The following ZNF646 variants were observed in gnomAD, a reference collection of about 807,000 sequenced individuals.
ZNF646 encodes zinc finger protein 646.
In ZNF646, 49 loss-of-function variants were observed where a neutral mutation model predicts 115.4. The observed-to-expected ratio is 0.42, with a 90% CI of 0.34 to 0.54. ZNF646 has a LOEUF of 0.54. ZNF646 is among the 20% of genes least tolerant of loss of function. The probability of loss-of-function intolerance (pLI) is 0.04; values close to 1 mark genes in which losing one functional copy is unlikely to be tolerated. For missense variants in ZNF646, 2,269 were observed against 2,457.9 expected, an observed-to-expected ratio of 0.92 and a Z score of 1.62; for synonymous variants, 933 against 939.0, an observed-to-expected ratio of 0.99 and a Z score of 0.12.
Position 31,083,722 on chromosome 16 carries a change from G to T in ZNF646, c.*630G>T. 6.2e-7 allele frequency: 1 copy of T among 1,612,992 alleles called. No homozygotes were observed. The highest frequency in any genetic ancestry group is 8.5e-7 in the Non-Finnish European group (1 of 1,179,688). Reference sequence around the variant, plus strand: ...CTGGAATCACACATGACAGGGTGGGGAGGACAGGGGCAGTAATGCCATTTG... The same window carrying T: ...CTGGAATCACACATGACAGGGTGGGTAGGACAGGGGCAGTAATGCCATTTG... On this transcript the variant is annotated 3_prime_UTR_variant, in exon 3 of 3. Transcript: ENST00000300850.
chr16:31,077,640 C>CA lies in ZNF646; in HGVS notation c.1317dup (p.Pro440ThrfsTer8). The CA allele has an allele frequency of 6.2e-7, 1 of 1,613,904 alleles. No individual in the cohort carries two copies. Among genetic ancestry groups the CA allele is most frequent in the Non-Finnish European group, 8.5e-7 (1 of 1,179,950 alleles). ...GGGGAAAATGGGCAGCCATCAGTCCCACCAGCTCCCCTGCTGCTGGCTGAG... is the reference window on the plus strand; with the variant it reads ...GGGGAAAATGGGCAGCCATCAGTCCCAACCAGCTCCCCTGCTGCTGGCTGAG... On this transcript the variant is annotated frameshift_variant, in exon 2 of 3. Coordinates refer to ENST00000300850, the MANE Select transcript of ZNF646 (RefSeq NM_014699.4). LOFTEE classifies it high-confidence loss of function.
chr16:31,074,755 G>A (rs534753330), intron 1 of ZNF646, 124 bp downstream of exon 1: 1 of 152,350 alleles, frequency 6.6e-6, no homozygotes, highest in Admixed American at 6.5e-5. Context: ...CAGACGAGAT[G>A]AGTGAGGTCA....
Position 31,078,938 on chromosome 16 carries a change from C to A in ZNF646, c.2614C>A (p.Pro872Thr), listed in dbSNP as rs1263362034. ...ALRSHFQNHRPGEATSAQPFL... is the reference protein window; with the variant it reads ...ALRSHFQNHRTGEATSAQPFL... Reference sequence around the variant, plus strand: ...CCGCAGCCACTTCCAGAACCATAGGCCTGGGGAGGCGACCTCAGCACAGCC... The same window carrying A: ...CCGCAGCCACTTCCAGAACCATAGGACTGGGGAGGCGACCTCAGCACAGCC... The change falls in exon 2 of 3, where the codon CCT (proline) becomes ACT (threonine). Residue 872 changes from proline to threonine, a missense_variant. Coordinates refer to ENST00000300850, the MANE Select transcript of ZNF646 (RefSeq NM_014699.4). 2.5e-6 allele frequency: 4 copies of A among 1,613,054 alleles called. No individual in the cohort carries two copies. Among genetic ancestry groups the A allele is most frequent in the Non-Finnish European group, 3.4e-6 (4 of 1,179,912 alleles).
At position 31,078,499 on chromosome 16, in the gene ZNF646, T is replaced by C. The variant is rs2057108368; in HGVS notation, c.2175T>C (p.Ser725=). The change falls in exon 2 of 3, where the codon AGT becomes AGC. Residue 725 remains serine, a synonymous_variant. Transcript: ENST00000300850. Reference sequence around the variant, plus strand: ...ATGGGGCTGAAGGCAACCTGGAAAGTGATGGGGACTGTTTGCAGGCTGAAT... The same window carrying C: ...ATGGGGCTGAAGGCAACCTGGAAAGCGATGGGGACTGTTTGCAGGCTGAAT... The part of the protein sequence containing the change: ...SPHGAEGNLE[S]DGDCLQAESE... The C allele has an allele frequency of 6.3e-7, 1 of 1,590,166 alleles. No individual in the cohort carries two copies. The highest frequency in any genetic ancestry group is 8.6e-7 in the Non-Finnish European group (1 of 1,165,590).
chr16:31,081,379 C>T lies in ZNF646; in HGVS notation c.5055C>T (p.Ser1685=). The stretch of plus-strand genomic sequence containing the variant: ...TCCGCTGCACCCAGTGCGGGCGCTC[C>T]TACCGCCATGCTGGCAGCCTGCTGA... ...RPFRCTQCGR[S]YRHAGSLLNH... is the part of the protein sequence containing the mutation. Residue 1685 remains serine (S), a synonymous_variant, in exon 2 of 3, where the codon TCC becomes TCT. Transcript: ENST00000300850. 2.5e-6 allele frequency: 4 copies of T among 1,612,270 alleles called. No homozygotes were observed. The highest frequency in any genetic ancestry group is 3.4e-6 in the Non-Finnish European group (4 of 1,178,540).
chr16:31,076,798 A>G lies in ZNF646; in HGVS notation c.474A>G (p.Ala158=). Residue 158 remains alanine, a synonymous_variant, in exon 2 of 3, where the codon GCA becomes GCG. Coordinates refer to ENST00000300850, the MANE Select transcript of ZNF646 (RefSeq NM_014699.4). ...GTGAATCTGTACCTGACCCCAGGGC[A>G]GCTTCGGGTACGTGGGAAGATCTGC... ...PDCESVPDPR[A]ASGTWEDLPT... is the part of the protein sequence containing the mutation. 1.2e-6 allele frequency: 2 copies of G among 1,614,110 alleles called. No homozygotes were observed. Among genetic ancestry groups the G allele is most frequent in the Non-Finnish European group, 1.7e-6 (2 of 1,180,038 alleles).
rs759747587 is a variant in ZNF646, at chr16:31,083,553, G to A, written c.*461G>A. ...TGTATCTGAAAGGGTAAAGGAGGAGGAAAGCTGAGACGCCTGCTTGGTAGC... is the reference window on the plus strand; with the variant it reads ...TGTATCTGAAAGGGTAAAGGAGGAGAAAAGCTGAGACGCCTGCTTGGTAGC... On this transcript the variant is annotated 3_prime_UTR_variant, in exon 3 of 3. Coordinates refer to ENST00000300850, the MANE Select transcript of ZNF646 (RefSeq NM_014699.4). The A allele has an allele frequency of 3.5e-6, 5 of 1,431,542 alleles. No homozygotes were observed. The highest frequency in any genetic ancestry group is 4.6e-6 in the Non-Finnish European group (5 of 1,089,144). 88.7% of individuals were successfully genotyped at this position (1,431,542 alleles called of 1,614,324 possible).
At position 31,080,699 on chromosome 16, in the gene ZNF646, G is replaced by A; in HGVS notation, c.4375G>A (p.Ala1459Thr). The A allele has an allele frequency of 1.2e-6, 2 of 1,613,824 alleles. No homozygotes were observed. Among genetic ancestry groups the A allele is most frequent in the African/African-American group, 1.3e-5 (1 of 75,072 alleles). Residue 1459 changes from alanine (A) to threonine (T), a missense_variant, in exon 2 of 3, where the codon GCA becomes ACA. Ala to Thr is a moderately conservative substitution (Grantham distance 58). Around this residue, in one of 5 missense-constraint regions of ZNF646, gnomAD observed 1,062 missense variants for 1,172.8 expected, o/e 0.91. Coordinates refer to ENST00000300850, the MANE Select transcript of ZNF646 (RefSeq NM_014699.4). ...SEAPEPLSWG[A>T]GKAGGWPVGG... ...AGCCCCAGAGCCACTGTCCTGGGGT[G>A]CAGGGAAGGCAGGTGGGTGGCCGGT...
In ZNF646 at chr16:31,079,859, G is replaced by A. The variant is rs149782225; in HGVS notation, c.3535G>A (p.Gly1179Arg). 1.1e-5 allele frequency: 18 copies of A among 1,613,226 alleles called. No homozygotes were observed. In the South Asian group the frequency reaches 1.3e-4, roughly 12 times the overall value. The change falls in exon 2 of 3, where the codon GGG (glycine) becomes AGG (arginine). Residue 1179 changes from glycine to arginine, a missense_variant. By Grantham distance (125) the Gly-to-Arg change is moderately radical. Transcript: ENST00000300850. The surrounding 1 kb of genome is among the most constrained non-coding windows in gnomAD (Gnocchi z 5.5). Reference sequence around the variant, plus strand: ...GGTGTGGGAGGAGACCACTGTGAAGGGGGAGGAGATAGAGCCCAGGCTGGA... The same window carrying A: ...GGTGTGGGAGGAGACCACTGTGAAGAGGGAGGAGATAGAGCCCAGGCTGGA... The part of the protein sequence containing the change: ...EEVWEETTVK[G>R]EEIEPRLETA...
At chr16:31,073,861 A>T (rs1416675759), upstream of ZNF646, 1 of 152,294 alleles carries the variant, frequency 6.6e-6, no homozygotes, top group South Asian at 2.1e-4. Flanking sequence ...CTATGGCGGC[A>T]GAGAAGCATC....
chr16:31,081,439 G>A lies in ZNF646; in HGVS notation c.5115G>A (p.Pro1705=), dbSNP rs146321958. 7,281 of 1,614,136 alleles carry A rather than the reference G, an allele frequency of 4.5e-3. 19 individuals carry two copies. Among genetic ancestry groups the A allele is most frequent in the Non-Finnish European group, 5.6e-3 (6,622 of 1,179,984 alleles). The part of the protein sequence containing the change: ...HQKAHTTGLY[P]CSLCPKLLPN... ...AGGCCCACACCACAGGGTTGTACCC[G>A]TGCTCCCTCTGTCCCAAACTTCTCC... is the stretch of plus-strand genomic sequence containing the variant. Residue 1705 remains proline, a synonymous_variant, in exon 2 of 3, where the codon CCG becomes CCA. Coordinates refer to ENST00000300850, the MANE Select transcript of ZNF646 (RefSeq NM_014699.4).
Position 31,080,281 on chromosome 16 carries a change from C to A in ZNF646, c.3957C>A (p.Arg1319=). ...RHAGSLLNHR[R]SHETGQYSCP... Reference sequence around the variant, plus strand: ...CCGGCAGCCTCCTGAACCACCGGCGCAGCCACGAGACGGGCCAGTACAGCT... The same window carrying A: ...CCGGCAGCCTCCTGAACCACCGGCGAAGCCACGAGACGGGCCAGTACAGCT... Residue 1319 remains arginine (R), a synonymous_variant, in exon 2 of 3, where the codon CGC becomes CGA. Coordinates refer to ENST00000300850, the MANE Select transcript of ZNF646 (RefSeq NM_014699.4). 6.2e-7 allele frequency: 1 copy of A among 1,612,800 alleles called. No individual in the cohort carries two copies.
Position 31,081,560 on chromosome 16 carries a change from C to T in ZNF646, c.5236C>T (p.Arg1746Trp), listed in dbSNP as rs548921628. Residue 1746 changes from arginine to tryptophan, a missense_variant, in exon 2 of 3, where the codon CGG (arginine) becomes TGG (tryptophan). Physicochemically the swap from Arg to Trp is moderately radical, Grantham distance 101. Around this residue, in one of 5 missense-constraint regions of ZNF646, gnomAD observed 1,062 missense variants for 1,172.8 expected, o/e 0.91. Coordinates refer to ENST00000300850, the MANE Select transcript of ZNF646 (RefSeq NM_014699.4). ...ICGKAFRTAARLEGHGRVHAP... is the reference protein window; with the variant it reads ...ICGKAFRTAAWLEGHGRVHAP... ...TGGCAAGGCCTTTCGGACAGCTGCCCGGCTGGAGGGCCACGGGCGGGTCCA... is the reference window on the plus strand; with the variant it reads ...TGGCAAGGCCTTTCGGACAGCTGCCTGGCTGGAGGGCCACGGGCGGGTCCA... 3.0e-5 allele frequency: 48 copies of T among 1,613,694 alleles called. No individual in the cohort carries two copies. The highest frequency in any genetic ancestry group is 2.1e-4 in the South Asian group (19 of 91,078).
Position 31,079,039 on chromosome 16 carries a change from C to A in ZNF646, c.2715C>A (p.Ser905Arg). The change falls in exon 2 of 3, where the codon AGC (serine) becomes AGA (arginine). Residue 905 changes from serine (S) to arginine (R), a missense_variant. Around this residue, in one of 5 missense-constraint regions of ZNF646, gnomAD observed 852 missense variants for 900.2 expected, o/e 0.95. Transcript: ENST00000300850. This position sits in a 1 kb window ranked among gnomAD's most constrained non-coding sequence, Gnocchi z 5.5. ...GGCTTCACCGGCGCCAGGCCCACAG[C>A]TCCTCTGGCATGACTGAGGGCTCAG... The part of the protein sequence containing the change: ...GYRLHRRQAH[S>R]SSGMTEGSEE... 2 of 1,583,516 alleles carry A rather than the reference C, an allele frequency of 1.3e-6. No homozygotes were observed. The highest frequency in any genetic ancestry group is 1.7e-6 in the Non-Finnish European group (2 of 1,162,490).
chr16:31,080,111 T>G lies in ZNF646; in HGVS notation c.3787T>G (p.Cys1263Gly). Residue 1263 changes from cysteine (C) to glycine (G), a missense_variant, in exon 2 of 3, where the codon TGT becomes GGT. Cys to Gly is a radical substitution (Grantham distance 159, BLOSUM62 -3). Around this residue, in one of 5 missense-constraint regions of ZNF646, gnomAD observed 1,062 missense variants for 1,172.8 expected, o/e 0.91. Coordinates refer to ENST00000300850, the MANE Select transcript of ZNF646 (RefSeq NM_014699.4). ...TCCCCGACGTTTCCGCTGCAGCGAG[T>G]GTGGGAAGGCCTTCCGCCTGCGGAA... Reference protein sequence around the residue: ...ADPRRFRCSECGKAFRLRKQL... With the variant: ...ADPRRFRCSEGGKAFRLRKQL... 1.2e-6 allele frequency: 2 copies of G among 1,612,832 alleles called. No homozygotes were observed. The highest frequency in any genetic ancestry group is 1.7e-6 in the Non-Finnish European group (2 of 1,179,808).
Position 31,078,249 on chromosome 16 carries a change from G to A in ZNF646, c.1925G>A (p.Gly642Glu). ...AACCACAGGCAGACCCACCAGACAG[G>A]AGACTTCAGTTGTGGGGCCTGTGCC... ...LINHRQTHQT[G>E]DFSCGACAKH... Residue 642 changes from glycine (G) to glutamate (E), a missense_variant, in exon 2 of 3, where the codon GGA becomes GAA. By Grantham distance (98) the Gly-to-Glu change is moderately conservative (BLOSUM62 -2). Coordinates refer to ENST00000300850, the MANE Select transcript of ZNF646 (RefSeq NM_014699.4). 6.2e-7 allele frequency: 1 copy of A among 1,613,988 alleles called. No homozygotes were observed. Among genetic ancestry groups the A allele is most frequent in the Non-Finnish European group, 8.5e-7 (1 of 1,180,038 alleles).
At chr16:31,074,353 A>G (rs1399106896), upstream of ZNF646, 1 of 152,238 alleles carries the variant, frequency 6.6e-6, no homozygotes, top group African/African-American at 2.4e-5. Context: ...CGGAGGCGGG[A>G]CAGGCAGTGC....
At position 31,078,012 on chromosome 16, in the gene ZNF646, C is replaced by T. The variant is rs1183823759; in HGVS notation, c.1688C>T (p.Thr563Met). 2.5e-6 allele frequency: 4 copies of T among 1,614,014 alleles called. No individual in the cohort carries two copies. The highest frequency in any genetic ancestry group is 4.5e-5 in the East Asian group (2 of 44,900). ...GTGTGCAAACATGAAGAAGAGGCCA[C>T]GGACATCACCCCAGCAGCAGACAAG... is the stretch of plus-strand genomic sequence containing the variant. ...DHVCKHEEEA[T>M]DITPAADKTA... The change falls in exon 2 of 3, where the codon ACG (threonine) becomes ATG (methionine). Residue 563 changes from threonine to methionine, a missense_variant. Physicochemically the swap from Thr to Met is moderately conservative, Grantham distance 81. This residue lies in a region of ZNF646 where 852 missense variants were observed against 900.2 expected (regional missense o/e 0.95). Coordinates refer to ENST00000300850, the MANE Select transcript of ZNF646 (RefSeq NM_014699.4).
At position 31,080,922 on chromosome 16, in the gene ZNF646, G is replaced by A. The variant is rs1279628472; in HGVS notation, c.4598G>A (p.Cys1533Tyr). 1 of 1,614,136 alleles carries A rather than the reference G, an allele frequency of 6.2e-7. No individual in the cohort carries two copies. The highest frequency in any genetic ancestry group is 8.5e-7 in the Non-Finnish European group (1 of 1,180,040). ...CTGCAGCCAGGGAGCCACTCCTCTTGCAGCCAGTGTGGCAAGACTTACTGC... is the reference window on the plus strand; with the variant it reads ...CTGCAGCCAGGGAGCCACTCCTCTTACAGCCAGTGTGGCAAGACTTACTGC... The part of the protein sequence containing the change: ...SQLQPGSHSS[C>Y]SQCGKTYCQS... Residue 1533 changes from cysteine to tyrosine, a missense_variant, in exon 2 of 3, where the codon TGC becomes TAC. Coordinates refer to ENST00000300850, the MANE Select transcript of ZNF646 (RefSeq NM_014699.4).
Sources: gnomAD v4.1 joint callset for allele counts on GRCh38, gnomAD v4.1.1 for gene constraint, gnomAD v4.1.1 regional missense constraint, Gnocchi (gnomAD v3.1) non-coding constraint, MANE v1.5 for transcripts, NCBI Gene and HGNC (gene_info 2026-07-23, HGNC 2026-07-21) for gene names.